The following IL1RAPL2 variants were observed in gnomAD, a reference collection of about 807,000 sequenced individuals.
The protein encoded by IL1RAPL2 is X-linked interleukin-1 receptor accessory protein-like 2.
In IL1RAPL2, 3 loss-of-function variants were observed where a neutral mutation model predicts 44.1. That is an observed-to-expected ratio of 0.07 (90% CI 0.03 to 0.18). The LOEUF (loss-of-function observed/expected upper bound fraction) is 0.18. Ranked by LOEUF, IL1RAPL2 falls within the 10% of genes least tolerant of loss-of-function variation. The pLI, the probability that IL1RAPL2 is intolerant of heterozygous loss-of-function variation, is 1.00. For synonymous variants in IL1RAPL2, 181 were observed against 178.8 expected (o/e 1.01, Z -0.10); for missense variants, 391 against 496.4 (o/e 0.79, Z 2.02).
chrX:105,704,211 T>C (rs993160287), intron 6 of IL1RAPL2, among the ~76,000 whole-genome samples: 1 of 112,199 alleles, frequency 8.9e-6, no homozygotes, highest in Non-Finnish European at 1.9e-5. Flanking sequence ...GATTTTTAGA[T>C]TGCTTAGTCA....
At chrX:105,187,896 A>T (rs2033602976) in intron 2 of IL1RAPL2, among the ~76,000 whole-genome samples, 1 of 111,841 alleles carries the variant, frequency 8.9e-6, no homozygotes, top group African/African-American at 3.2e-5. Flanking sequence ...AATTCATGTG[A>T]GGTGAAGGTT....
At chrX:105,038,268 C>T (rs1030578408) in intron 2 of IL1RAPL2, among the ~76,000 whole-genome samples, 1 of 111,503 alleles carries the variant, frequency 9.0e-6, no homozygotes, top group Non-Finnish European at 1.9e-5. Context: ...CTTCCCTGTC[C>T]TCTTTATACT....
At position 105,134,070 on chromosome X, in the gene IL1RAPL2, G is replaced by A. The variant is rs143570855; in HGVS notation, c.83-61405G>A. ...AAAATTGTCTTTCTAATCTCAGACT[G>A]CATTTTATTTCCATTTGCTGTTTGA... On this transcript the variant is annotated intron_variant, in intron 2 of 10. Transcript: ENST00000372582. Among the ~76,000 whole-genome samples, 514 of 111,769 alleles carry A rather than the reference G, an allele frequency of 4.6e-3. 5 individuals are homozygous for A. Among genetic ancestry groups the A allele is most frequent in the African/African-American group, 0.016 (487 of 30,851 alleles).
intron 2 of IL1RAPL2, among the ~76,000 whole-genome samples, chrX:104,792,416 G>T (rs1414606991): frequency 9.1e-6 from 1 of 110,374 alleles, no homozygotes; most frequent in Admixed American, 9.7e-5. Flanking sequence ...GGTGGAGATC[G>T]GGGCATGAGG....
chrX:105,487,509 T>G (rs1230920566), intron 6 of IL1RAPL2, among the ~76,000 whole-genome samples: 2 of 112,262 alleles, frequency 1.8e-5, no homozygotes, highest in East Asian at 2.8e-4. Context: ...GACAGAAAGA[T>G]GGAGACCTGC....
chrX:105,359,641 C>T (rs773884444), intron 5 of IL1RAPL2, among the ~76,000 whole-genome samples: 92 of 110,647 alleles, frequency 8.3e-4, no homozygotes, highest in African/African-American at 2.9e-3. Context: ...TGGAAAATTA[C>T]ACTTGCAAAT....
chrX:104,718,224 G>A (rs911338841), intron 2 of IL1RAPL2, among the ~76,000 whole-genome samples: 4 of 111,323 alleles, frequency 3.6e-5, no homozygotes, highest in Non-Finnish European at 5.7e-5. Flanking sequence ...CCCACCAACA[G>A]TGTAAAAGTG....
In IL1RAPL2 at chrX:105,387,141, A is replaced by G. The variant is rs2035481946; in HGVS notation, c.698-97172A>G. On this transcript the variant is annotated intron_variant, in intron 5 of 10. Transcript: ENST00000372582. Reference sequence around the variant, plus strand: ...GGAAGAGTGTTACTCAAAATTCATGATAAAGAATTTTTTTTTTTTTGCTGC... The same window carrying G: ...GGAAGAGTGTTACTCAAAATTCATGGTAAAGAATTTTTTTTTTTTTGCTGC... Among the ~76,000 whole-genome samples, 6 of 102,689 alleles carry G rather than the reference A, an allele frequency of 5.8e-5. No individual in the cohort carries two copies. The Admixed American group carries it at 5.9e-4, about 10-fold the overall frequency. 89.2% of individuals were successfully genotyped at this position (102,689 alleles called of 115,157 possible).
intron 4 of IL1RAPL2, among the ~76,000 whole-genome samples, chrX:105,247,905 G>T (rs919361533): frequency 4.6e-5 from 5 of 109,010 alleles, no homozygotes; most frequent in African/African-American, 1.7e-4. Flanking sequence ...ACACATATAT[G>T]CAAATATTTT....
At chrX:105,279,485 GT>G (rs1226920903) in intron 5 of IL1RAPL2, among the ~76,000 whole-genome samples, 7 of 110,860 alleles carry the variant, frequency 6.3e-5, no homozygotes, top group Admixed American at 2.9e-4. Flanking sequence ...TTGTTTGTTT[GT>G]TTTGTTTTGT....
intron 5 of IL1RAPL2, among the ~76,000 whole-genome samples, chrX:105,429,753 C>T (rs752054083): frequency 2.4e-4 from 27 of 111,693 alleles, no homozygotes; most frequent in Non-Finnish European, 3.6e-4. Flanking sequence ...AATATGTAAA[C>T]GAATGGGAGT....
chrX:104,699,773 A>G (rs1374485210), intron 2 of IL1RAPL2, among the ~76,000 whole-genome samples: 1 of 111,533 alleles, frequency 9.0e-6, no homozygotes, highest in African/African-American at 3.3e-5. Context: ...GCACTACAAC[A>G]CCAGAACTGA....
intron 2 of IL1RAPL2, among the ~76,000 whole-genome samples, chrX:104,723,202 A>G (rs1274627202): frequency 9.0e-6 from 1 of 111,613 alleles, no homozygotes; most frequent in African/African-American, 3.2e-5. Context: ...CAAAACTGCT[A>G]GATTGAGTCT....
At chrX:104,714,083 CTCTT>C (rs1398485499) in intron 2 of IL1RAPL2, among the ~76,000 whole-genome samples, 2 of 110,630 alleles carry the variant, frequency 1.8e-5, no homozygotes, top group South Asian at 3.8e-4. Flanking sequence ...TTGACTTCCT[CTCTT>C]TCTATTTGGG....
chrX:105,747,758 G>A (rs1264681087), intron 8 of IL1RAPL2, among the ~76,000 whole-genome samples: 2 of 108,349 alleles, frequency 1.8e-5, no homozygotes, highest in Non-Finnish European at 3.8e-5. Context: ...TTTTGACAGT[G>A]CCCCAGAATT....
intron 2 of IL1RAPL2, among the ~76,000 whole-genome samples, chrX:104,745,858 A>G (rs1000476476): frequency 7.9e-4 from 88 of 111,626 alleles, no homozygotes; most frequent in Non-Finnish European, 9.4e-4. Flanking sequence ...GTATTTATTA[A>G]GAATTTTAAT....
chrX:105,265,090 G>C (rs1441499802), intron 4 of IL1RAPL2, among the ~76,000 whole-genome samples: 1 of 111,888 alleles, frequency 8.9e-6, no homozygotes, highest in Non-Finnish European at 1.9e-5. Flanking sequence ...GCAAAACAGT[G>C]AGCAGAGAAA....
Position 105,053,886 on chromosome X carries a change from G to C in IL1RAPL2, c.83-141589G>C, listed in dbSNP as rs753125045. ...ATGGTGGTGTGCACCTGTAGTCCTAGCTATTTTGGAGGCTGAAGTGGGAGA... is the reference window on the plus strand; with the variant it reads ...ATGGTGGTGTGCACCTGTAGTCCTACCTATTTTGGAGGCTGAAGTGGGAGA... On this transcript the variant is annotated intron_variant, in intron 2 of 10. Coordinates refer to ENST00000372582, the MANE Select transcript of IL1RAPL2 (RefSeq NM_017416.2). Among the ~76,000 whole-genome samples, 8 of 111,856 alleles carry C rather than the reference G, an allele frequency of 7.2e-5. No homozygotes were observed. In the South Asian group the frequency reaches 3.0e-3, roughly 42 times the overall value.
chrX:105,654,664 C>A lies in IL1RAPL2; in HGVS notation c.773-62703C>A, dbSNP rs113721846. On this transcript the variant is annotated intron_variant, in intron 6 of 10. Coordinates refer to ENST00000372582, the MANE Select transcript of IL1RAPL2 (RefSeq NM_017416.2). ...TTGTGTGCCAGTATCTATTACCAAA[C>A]AGGCTAAAAACATCTTATTTTATTT... Among the ~76,000 whole-genome samples, 263 of 111,708 alleles carry A rather than the reference C, an allele frequency of 2.4e-3. 1 individual carries two copies. Among genetic ancestry groups the A allele is most frequent in the African/African-American group, 8.3e-3 (256 of 30,792 alleles).
Sources: gnomAD v4.1 joint callset for allele counts (sites outside exome capture counted in the v4.1 genomes callset) on GRCh38, gnomAD v4.1.1 for gene constraint, MANE v1.5 for transcripts, NCBI Gene and HGNC (gene_info 2026-07-23, HGNC 2026-07-21) for gene names.